SLC38A1: variants seen among roughly 807,000 people sequenced by gnomAD.
The protein encoded by SLC38A1 is solute carrier family 38 member 1.
In SLC38A1, 18 loss-of-function variants were observed where a neutral mutation model predicts 60.3. The ratio of observed to expected loss-of-function variants is 0.30; its 90% confidence interval spans 0.21 to 0.44. SLC38A1 has a LOEUF of 0.44. SLC38A1 is among the 20% of genes least tolerant of loss of function. The probability of loss-of-function intolerance (pLI) is 1.00; values close to 1 mark genes in which losing one functional copy is unlikely to be tolerated. For synonymous variants in SLC38A1, 196 were observed against 212.1 expected (o/e 0.92, Z 0.66); for missense variants, 448 against 587.2 (o/e 0.76, Z 2.45).
rs201058166 is a variant in SLC38A1, at chr12:46,197,800, T to C, written c.1282A>G (p.Met428Val). 2.5e-6 allele frequency: 4 copies of C among 1,600,948 alleles called. No individual in the cohort carries two copies. In the African/African-American group the frequency reaches 4.1e-5, roughly 16 times the overall value. ...FGVVGVTSAN[M>V]LIFILPSSLY... ...GATGAAGGAAGAATGAAAATAAGCATGTTAGCAGATGTAACTCCTGTAAAA... is the reference window on the plus strand; with the variant it reads ...GATGAAGGAAGAATGAAAATAAGCACGTTAGCAGATGTAACTCCTGTAAAA... The change falls in exon 16 of 17, where the codon ATG becomes GTG. Residue 428 changes from methionine to valine, a missense_variant. Physicochemically the swap from Met to Val is conservative, Grantham distance 21. This residue lies in a region of SLC38A1 where 346 missense variants were observed against 497.5 expected (regional missense o/e 0.70). Transcript: ENST00000398637.
At chr12:46,254,349 C>T (rs1053508212) in intron 1 of SLC38A1, among the ~76,000 whole-genome samples, 1 of 151,888 alleles carries the variant, frequency 6.6e-6, no homozygotes, top group Non-Finnish European at 1.5e-5. Flanking sequence ...TCTTGAAACA[C>T]AGTTTCTCTC....
rs571753350 is a variant in SLC38A1, at chr12:46,233,053, T to C, written c.123-3414A>G. Among the ~76,000 whole-genome samples the C allele has an allele frequency of 5.3e-5, 8 of 152,232 alleles. 1 individual carries two copies. Among genetic ancestry groups the C allele is most frequent in the African/African-American group, 1.9e-4 (8 of 41,526 alleles). On this transcript the variant is annotated intron_variant, in intron 3 of 16. Coordinates refer to ENST00000398637, the MANE Select transcript of SLC38A1 (RefSeq NM_030674.4). ...ATTATTTTAGAGACAAGTTCTTGCT[T>C]TGCTGCCCAAGCTGGAGTGCAGTGA...
chr12:46,251,729 G>GA (rs2138694812), intron 1 of SLC38A1, among the ~76,000 whole-genome samples: 1 of 151,648 alleles, frequency 6.6e-6, no homozygotes, highest in African/African-American at 2.4e-5. Context: ...ACAGACACAT[G>GA]GAAAAAATGC....
At chr12:46,197,655 A>T in intron 16 of SLC38A1, 65 bp downstream of exon 16, 1 of 1,063,872 alleles carries the variant, frequency 9.4e-7, no homozygotes, top group Non-Finnish European at 1.4e-6. Context: ...GAGGTGGACT[A>T]TTTATTTTGT....
At chr12:46,217,448 C>G (rs1174738565) in intron 5 of SLC38A1, among the ~76,000 whole-genome samples, 1 of 152,138 alleles carries the variant, frequency 6.6e-6, no homozygotes, top group Non-Finnish European at 1.5e-5. Flanking sequence ...TGCGTGTTTT[C>G]TTTATACTTT....
At chr12:46,230,842 C>T (rs1475993822) in intron 3 of SLC38A1, among the ~76,000 whole-genome samples, 1 of 152,090 alleles carries the variant, frequency 6.6e-6, no homozygotes, top group South Asian at 2.1e-4. Flanking sequence ...GCTTATACAC[C>T]ATTGGTGGGA....
At chr12:46,246,516 G>A (rs1424116877) in intron 1 of SLC38A1, among the ~76,000 whole-genome samples, 1 of 152,250 alleles carries the variant, frequency 6.6e-6, no homozygotes, top group African/African-American at 2.4e-5. Context: ...AGCTCGAACT[G>A]GGTGGAGCCC....
chr12:46,260,857 C>T (rs763636755), intron 1 of SLC38A1, among the ~76,000 whole-genome samples: 2 of 152,166 alleles, frequency 1.3e-5, no homozygotes, highest in African/African-American at 4.8e-5. Context: ...GCCACGCTAC[C>T]TCCTGCTTCT....
In SLC38A1 at chr12:46,207,189, T is replaced by C. The variant is rs1939946608; in HGVS notation, c.529A>G (p.Ile177Val). 1.9e-6 allele frequency: 3 copies of C among 1,613,172 alleles called. No individual in the cohort carries two copies. Among genetic ancestry groups the C allele is most frequent in the Non-Finnish European group, 2.5e-6 (3 of 1,179,512 alleles). The part of the protein sequence containing the change: ...FIVKNELPSA[I>V]KFLMGKEETF... ...TCTTCCTTTCCCATTAGAAACTTTA[T>C]GGCAGAGGGTAGTTCATTTTTTACG... The change falls in exon 8 of 17, where the codon ATA (isoleucine) becomes GTA (valine). Residue 177 changes from isoleucine (I) to valine (V), a missense_variant. Around this residue, in one of 2 missense-constraint regions of SLC38A1, gnomAD observed 346 missense variants for 497.5 expected, o/e 0.70. Coordinates refer to ENST00000398637, the MANE Select transcript of SLC38A1 (RefSeq NM_030674.4).
chr12:46,201,408 G>A (rs1321200026), intron 12 of SLC38A1, among the ~76,000 whole-genome samples: 9 of 152,138 alleles, frequency 5.9e-5, no homozygotes, highest in African/African-American at 1.4e-4. Flanking sequence ...CTACACTCCC[G>A]TTAGCGTTCT....
chr12:46,197,506 C>CAA, intron 16 of SLC38A1: 1 of 411,642 alleles, frequency 2.4e-6, no homozygotes, highest in Non-Finnish European at 4.3e-6. Context: ...GACTCCATCT[C>CAA]AAAAAAAAAG....
chr12:46,227,916 T>C (rs1940927934), intron 5 of SLC38A1, among the ~76,000 whole-genome samples: 1 of 152,154 alleles, frequency 6.6e-6, no homozygotes, highest in South Asian at 2.1e-4. Context: ...GAAGTGTAGC[T>C]CCTCAAGCAG....
In SLC38A1 at chr12:46,212,589, C is replaced by A. The variant is rs1187350629; in HGVS notation, c.315-3462G>T. 3.9e-5 allele frequency among the ~76,000 whole-genome samples: 6 copies of A among 152,196 alleles called. No individual in the cohort carries two copies. In the East Asian group the frequency reaches 7.7e-4, roughly 20 times the overall value. ...GAATTGCGAATAATGTGGTCAGGAG[C>A]CTTCAAGAGTCTTTGAGTCAGCAAC... On this transcript the variant is annotated intron_variant, in intron 5 of 16. Coordinates refer to ENST00000398637, the MANE Select transcript of SLC38A1 (RefSeq NM_030674.4).
chr12:46,197,978 A>G lies in SLC38A1; in HGVS notation c.1205T>C (p.Val402Ala). Residue 402 changes from valine (V) to alanine (A), a missense_variant, in exon 15 of 17, where the codon GTT becomes GCT. Physicochemically the swap from Val to Ala is moderately conservative, Grantham distance 64. Coordinates refer to ENST00000398637, the MANE Select transcript of SLC38A1 (RefSeq NM_030674.4). ...RHTVVTCILLVVINLLVIFIP... is the reference protein window; with the variant it reads ...RHTVVTCILLAVINLLVIFIP... ...GAAGATCACCAACAAGTTGATAACA[A>G]CCAAGAGTATGCAGGTAACCACGGT... 1.2e-6 allele frequency: 2 copies of G among 1,614,088 alleles called. No individual in the cohort carries two copies. Among genetic ancestry groups the G allele is most frequent in the Non-Finnish European group, 8.5e-7 (1 of 1,179,982 alleles).
intron 5 of SLC38A1, among the ~76,000 whole-genome samples, chr12:46,219,210 C>T (rs1940548298): frequency 6.6e-6 from 1 of 152,070 alleles, no homozygotes; most frequent in African/African-American, 2.4e-5. Flanking sequence ...CGGCCTATGC[C>T]CAGGAATGAA....
At position 46,252,432 on chromosome 12, in the gene SLC38A1, T is replaced by C. The variant is rs113178350; in HGVS notation, c.-208-9118A>G. On this transcript the variant is annotated intron_variant, in intron 1 of 16. Coordinates refer to ENST00000398637, the MANE Select transcript of SLC38A1 (RefSeq NM_030674.4). ...AGCAAACCAACATGGCACATGTATATATATGTAACAAACCTGCACGTTGTG... is the reference window on the plus strand; with the variant it reads ...AGCAAACCAACATGGCACATGTATACATATGTAACAAACCTGCACGTTGTG... Among the ~76,000 whole-genome samples the C allele has an allele frequency of 1.9e-3, 291 of 152,160 alleles. 1 individual carries two copies. Among genetic ancestry groups the C allele is most frequent in the African/African-American group, 6.3e-3 (262 of 41,500 alleles).
intron 3 of SLC38A1, chr12:46,239,259 G>T: frequency 6.5e-6 from 1 of 153,450 alleles, no homozygotes; most frequent in Non-Finnish European, 1.4e-5. Context: ...CATAACTTTA[G>T]TAATGAATAA....
chr12:46,256,368 T>C (rs1942022704), intron 1 of SLC38A1, among the ~76,000 whole-genome samples: 1 of 152,072 alleles, frequency 6.6e-6, no homozygotes, highest in Admixed American at 6.6e-5. Flanking sequence ...AAATATTTGA[T>C]TTAAGCTTAT....
Position 46,224,194 on chromosome 12 carries a change from T to A in SLC38A1, c.314+4959A>T, listed in dbSNP as rs1940775406. ...ACAGCTCAACAAGTACTCTTTACCC[T>A]GAGGTACTTGTGCCTCAGTACATCC... On this transcript the variant is annotated intron_variant, in intron 5 of 16. Transcript: ENST00000398637. Among the ~76,000 whole-genome samples, 8 of 152,180 alleles carry A rather than the reference T, an allele frequency of 5.3e-5. No homozygotes were observed. The South Asian group carries it at 1.7e-3, about 31-fold the overall frequency.
Sources: gnomAD v4.1 joint callset for allele counts (sites outside exome capture counted in the v4.1 genomes callset) on GRCh38, gnomAD v4.1.1 for gene constraint, gnomAD v4.1.1 regional missense constraint, MANE v1.5 for transcripts, NCBI Gene and HGNC (gene_info 2026-07-23, HGNC 2026-07-21) for gene names.